Variants in RALGPS1 observed in about 807,000 individuals in gnomAD.
RALGPS1 encodes Ral GEF with PH domain and SH3 binding motif 1, also known as ras-specific guanine nucleotide-releasing factor RalGPS1.
Under a neutral mutation model 78.8 loss-of-function variants are expected in RALGPS1, and 19 were observed. The observed-to-expected ratio is 0.24, with a 90% CI of 0.17 to 0.35. The LOEUF (loss-of-function observed/expected upper bound fraction) is 0.35. Among genes scored for constraint, RALGPS1 ranks in the 10% least tolerant of loss-of-function variants. The probability of loss-of-function intolerance (pLI) is 1.00; values close to 1 mark genes in which losing one functional copy is unlikely to be tolerated. For synonymous variants in RALGPS1, 228 were observed against 256.3 expected (o/e 0.89, Z 1.06); for missense variants, 454 against 688.3 (o/e 0.66, Z 3.81).
rs142305957 is a variant in RALGPS1 at position 126,973,018 on chromosome 9, C to T, written c.166-4677C>T. The stretch of plus-strand genomic sequence containing the variant: ...TGGAGGTTGCAGTGAGCCGAGATTG[C>T]GCCACTGCACTCCAACCTGGGCGAC... On this transcript the variant is annotated intron_variant, in intron 3 of 18. Transcript: ENST00000259351. 3.3e-5 allele frequency among the ~76,000 whole-genome samples: 5 copies of T among 151,344 alleles called. 1 individual carries two copies. The highest frequency in any genetic ancestry group is 3.9e-4 in the East Asian group (2 of 5,108).
Position 127,174,775 on chromosome 9 carries a change from T to A in RALGPS1, c.903T>A (p.Asp301Glu). 1 of 1,614,078 alleles carries A rather than the reference T, an allele frequency of 6.2e-7. No individual in the cohort carries two copies. Among genetic ancestry groups the A allele is most frequent in the Non-Finnish European group, 8.5e-7 (1 of 1,179,948 alleles). The change falls in exon 11 of 19, where the codon GAT becomes GAA. Residue 301 changes from aspartate to glutamate, a missense_variant. By Grantham distance (45) the Asp-to-Glu change is conservative. Coordinates refer to ENST00000259351, the MANE Select transcript of RALGPS1 (RefSeq NM_014636.3). ...CAAGACTAGTCTCTTCCAAGGAAGATCTTGCAGGTATCGTAGCTACCTCGA... is the reference window on the plus strand; with the variant it reads ...CAAGACTAGTCTCTTCCAAGGAAGAACTTGCAGGTATCGTAGCTACCTCGA... ...SSPRLVSSKE[D>E]LAGPSAGSGS...
At chr9:127,077,498 T>C (rs1226892047) in intron 8 of RALGPS1, among the ~76,000 whole-genome samples, 3 of 152,212 alleles carry the variant, frequency 2.0e-5, no homozygotes, top group Non-Finnish European at 2.9e-5. Flanking sequence ...AAGCCAAGGA[T>C]GCGGCAGAGC....
At chr9:126,969,504 A>G (rs1381475003) in intron 3 of RALGPS1, among the ~76,000 whole-genome samples, 1 of 152,172 alleles carries the variant, frequency 6.6e-6, no homozygotes, top group South Asian at 2.1e-4. Context: ...ATAACACTAG[A>G]GCCTGCACTC....
At chr9:127,057,236 G>A (rs1185467774) in intron 7 of RALGPS1, among the ~76,000 whole-genome samples, 1 of 152,158 alleles carries the variant, frequency 6.6e-6, no homozygotes, top group Non-Finnish European at 1.5e-5. Flanking sequence ...CACTGCTTGG[G>A]AAATGGGGCT....
chr9:127,036,183 G>T (rs961820464), intron 5 of RALGPS1, among the ~76,000 whole-genome samples: 1 of 152,238 alleles, frequency 6.6e-6, no homozygotes, highest in Non-Finnish European at 1.5e-5. Flanking sequence ...ACAGTGCTCT[G>T]GGAAATGGTC....
chr9:126,929,210 A>G (rs955501297), intron 1 of RALGPS1, among the ~76,000 whole-genome samples: 12 of 152,252 alleles, frequency 7.9e-5, no homozygotes, highest in African/African-American at 2.7e-4. Flanking sequence ...GATTAGCAAC[A>G]TATGAGAGGG....
chr9:126,933,162 C>T (rs2035953124), intron 1 of RALGPS1, among the ~76,000 whole-genome samples: 1 of 152,090 alleles, frequency 6.6e-6, no homozygotes. Flanking sequence ...AAGGAGCCAG[C>T]AGGGGAGGCC....
At chr9:127,176,359 G>A (rs1036188019) in intron 11 of RALGPS1, among the ~76,000 whole-genome samples, 39 of 152,182 alleles carry the variant, frequency 2.6e-4, no homozygotes, top group Admixed American at 1.2e-3. Context: ...CTTCCCCCTC[G>A]GTCAGCATTG....
chr9:126,991,808 A>C (rs1301078942), intron 4 of RALGPS1, among the ~76,000 whole-genome samples: 1 of 152,244 alleles, frequency 6.6e-6, no homozygotes, highest in Non-Finnish European at 1.5e-5. Context: ...TGGACCTCGC[A>C]CATGGCAGAA....
At chr9:126,946,133 T>A (rs1564289238) in intron 1 of RALGPS1, among the ~76,000 whole-genome samples, 1 of 152,066 alleles carries the variant, frequency 6.6e-6, no homozygotes. Flanking sequence ...CTGGCCATAT[T>A]CCACAGAGAG....
intron 4 of RALGPS1, among the ~76,000 whole-genome samples, chr9:126,984,098 CTCTCTT>C (rs549754889): frequency 6.6e-5 from 10 of 152,224 alleles, no homozygotes; most frequent in African/African-American, 2.2e-4. Flanking sequence ...GGTGACTTTT[CTCTCTT>C]TCTTTTTTTC....
intron 1 of RALGPS1, among the ~76,000 whole-genome samples, chr9:126,944,459 G>A (rs2037071009): frequency 6.6e-6 from 1 of 151,950 alleles, no homozygotes; most frequent in African/African-American, 2.4e-5. Flanking sequence ...ACACGTAACA[G>A]GTGTAAAATG....
chr9:127,043,706 A>G (rs143678054), intron 5 of RALGPS1, among the ~76,000 whole-genome samples: 46 of 152,332 alleles, frequency 3.0e-4, no homozygotes, highest in Non-Finnish European at 5.1e-4. Context: ...CAAAACACAT[A>G]TATGATAAAG....
intron 1 of RALGPS1, among the ~76,000 whole-genome samples, chr9:126,922,099 G>A (rs751019366): frequency 4.6e-5 from 7 of 152,188 alleles, no homozygotes; most frequent in Non-Finnish European, 7.3e-5. Context: ...GGGAGAGGAC[G>A]GAGCCATTCT....
chr9:127,014,236 G>A (rs2044614574), intron 4 of RALGPS1, among the ~76,000 whole-genome samples: 1 of 152,194 alleles, frequency 6.6e-6, no homozygotes, highest in African/African-American at 2.4e-5. Context: ...TGTTCAAAAG[G>A]TTTCCTCATA....
At chr9:127,046,482 T>C (rs563351515) in intron 5 of RALGPS1, among the ~76,000 whole-genome samples, 1 of 152,286 alleles carries the variant, frequency 6.6e-6, no homozygotes, top group East Asian at 1.9e-4. Flanking sequence ...TTGAAAGATA[T>C]GTTCAAGTTG....
At chr9:127,049,893 T>G in intron 5 of RALGPS1, 150 bp from the exon 6 acceptor site, 2 of 645,368 alleles carry the variant, frequency 3.1e-6, no homozygotes, top group Non-Finnish European at 2.8e-6. Flanking sequence ...GAGGAACTCT[T>G]TAACTCATGT....
intron 8 of RALGPS1, chr9:127,107,162 C>T (rs2054297698): frequency 6.6e-6 from 1 of 152,198 alleles, no homozygotes; most frequent in African/African-American, 2.4e-5. Flanking sequence ...GAATGCAAAT[C>T]TAGCCTGAAC....
At chr9:127,018,102 G>A (rs184133618) in intron 4 of RALGPS1, among the ~76,000 whole-genome samples, 1 of 152,222 alleles carries the variant, frequency 6.6e-6, no homozygotes, top group African/African-American at 2.4e-5. Flanking sequence ...TGTAATCCCA[G>A]CTACTCAGGA....
Sources: allele counts gnomAD v4.1 joint callset (sites outside exome capture counted in the v4.1 genomes callset), GRCh38; gene constraint gnomAD v4.1.1; transcripts MANE v1.5; gene names NCBI Gene and HGNC (gene_info 2026-07-23, HGNC 2026-07-21).